ARFGEF3: variants seen among roughly 807,000 people sequenced by gnomAD.
The protein encoded by ARFGEF3 is brefeldin A-inhibited guanine nucleotide-exchange protein 3.
Under a neutral mutation model 221.7 loss-of-function variants are expected in ARFGEF3, and 96 were observed. The ratio of observed to expected loss-of-function variants is 0.43; its 90% confidence interval spans 0.37 to 0.51. ARFGEF3 has a LOEUF of 0.51. Among genes scored for constraint, ARFGEF3 ranks in the 20% least tolerant of loss-of-function variants. ARFGEF3 has a pLI of 0.00. For missense variants in ARFGEF3, 2,410 were observed against 2,789.9 expected, an observed-to-expected ratio of 0.86 and a Z score of 3.07; for synonymous variants, 1,145 against 1,126.8, an observed-to-expected ratio of 1.02 and a Z score of -0.32.
intron 2 of ARFGEF3, among the ~76,000 whole-genome samples, chr6:138,204,175 T>C (rs1016647008): frequency 1.1e-4 from 16 of 151,368 alleles, no homozygotes; most frequent in Admixed American, 2.6e-4. Flanking sequence ...CCATCTCTAC[T>C]AAAAATACAA....
rs529955732 is a variant in ARFGEF3, at chr6:138,167,586, C to T, written c.86-3076C>T. On this transcript the variant is annotated intron_variant, in intron 1 of 33. Transcript: ENST00000251691. The stretch of plus-strand genomic sequence containing the variant: ...ATCTAGAGTCATCCTTGATACATTT[C>T]TGTAATTTGCCATCTTACCTAGTCC... Among the ~76,000 whole-genome samples, 7 of 152,324 alleles carry T rather than the reference C, an allele frequency of 4.6e-5. No individual in the cohort carries two copies. In the East Asian group the frequency reaches 1.3e-3, roughly 29 times the overall value.
At chr6:138,307,192 C>T (rs938296916) in intron 22 of ARFGEF3, 61 bp from the exon 23 acceptor site, 8 of 1,561,384 alleles carry the variant, frequency 5.1e-6, no homozygotes, top group Admixed American at 5.1e-5. Context: ...ATCACCCTTC[C>T]CAGAAATTCT....
Position 138,286,872 on chromosome 6 carries a change from G to C in ARFGEF3, c.2741G>C (p.Ser914Thr), listed in dbSNP as rs1199852544. ...AAGGAGCGGGACGCCATCTGCATGA[G>C]CCTCGACGGGCTGCGGAAAGCCGCA... ...NQKERDAICM[S>T]LDGLRKAARL... is the part of the protein sequence containing the mutation. Residue 914 changes from serine (S) to threonine (T), a missense_variant, in exon 16 of 34, where the codon AGC becomes ACC. This residue lies in a region of ARFGEF3 where 594 missense variants were observed against 734.3 expected (regional missense o/e 0.81). Transcript: ENST00000251691. 1 of 1,613,516 alleles carries C rather than the reference G, an allele frequency of 6.2e-7. No homozygotes were observed. Among genetic ancestry groups the C allele is most frequent in the Non-Finnish European group, 8.5e-7 (1 of 1,179,920 alleles).
At chr6:138,200,873 G>C (rs555103214) in intron 2 of ARFGEF3, among the ~76,000 whole-genome samples, 1 of 152,176 alleles carries the variant, frequency 6.6e-6, no homozygotes, top group Non-Finnish European at 1.5e-5. Flanking sequence ...GGAATAGTCA[G>C]CAGAGTAAAC....
chr6:138,213,280 T>G (rs2114503189), intron 4 of ARFGEF3, among the ~76,000 whole-genome samples: 1 of 128,602 alleles, frequency 7.8e-6, no homozygotes, highest in African/African-American at 3.4e-5. Context: ...AGAGCGAGAC[T>G]CCATCTCAAA....
At chr6:138,320,002 T>TA in intron 28 of ARFGEF3, 123 bp downstream of exon 28, 1 of 806,546 alleles carries the variant, frequency 1.2e-6, no homozygotes, top group East Asian at 2.7e-5. Flanking sequence ...TGGGAATTAT[T>TA]AAAATAGAAC....
chr6:138,238,798 C>T (rs1778341231), intron 6 of ARFGEF3, among the ~76,000 whole-genome samples, 167 bp downstream of exon 6: 1 of 152,162 alleles, frequency 6.6e-6, no homozygotes, highest in African/African-American at 2.4e-5. Context: ...TAGATGTTTG[C>T]CTATTTCACC....
At chr6:138,278,778 C>CAT (rs930560498) in intron 13 of ARFGEF3, among the ~76,000 whole-genome samples, 161 bp downstream of exon 13, 1 of 152,064 alleles carries the variant, frequency 6.6e-6, no homozygotes, top group African/African-American at 2.4e-5. Context: ...AAGGAGATGA[C>CAT]ATATATATAA....
chr6:138,242,850 AC>A (rs1778418989), intron 6 of ARFGEF3, 101 bp from the exon 7 acceptor site: 4 of 943,246 alleles, frequency 4.2e-6, no homozygotes, highest in Non-Finnish European at 6.7e-6. Flanking sequence ...AGCCCAGGGC[AC>A]CCCGGAAGCC....
rs1472114450 is a variant in ARFGEF3, at chr6:138,234,499, T to TGTGG, written c.421-4009_421-4008insTGGG. ...CCGTGTGTGTGTGTGTGTGTGTGTG[T>TGTGG]GGTGTGTGTTTGCATCAGCAGGACC... On this transcript the variant is annotated intron_variant, in intron 5 of 33. Transcript: ENST00000251691. 3.4e-4 allele frequency among the ~76,000 whole-genome samples: 52 copies of TGTGG among 151,596 alleles called. 1 individual carries two copies. Among genetic ancestry groups the TGTGG allele is most frequent in the Non-Finnish European group, 2.9e-5 (2 of 67,902 alleles).
intron 32 of ARFGEF3, among the ~76,000 whole-genome samples, chr6:138,330,583 T>G (rs1780210948): frequency 6.6e-6 from 1 of 152,094 alleles, no homozygotes; most frequent in Admixed American, 6.6e-5. Flanking sequence ...GGCAGGAGAA[T>G]CGCTTGAACC....
chr6:138,324,959 C>T (rs1412796642), intron 31 of ARFGEF3, among the ~76,000 whole-genome samples: 1 of 152,226 alleles, frequency 6.6e-6, no homozygotes, highest in Non-Finnish European at 1.5e-5. Context: ...CATAACCATG[C>T]TGTTCACAGT....
In ARFGEF3 at chr6:138,334,725, C is replaced by A. The variant is rs770261712; in HGVS notation, c.5879C>A (p.Thr1960Asn). 1 of 1,609,258 alleles carries A rather than the reference C, an allele frequency of 6.2e-7. No individual in the cohort carries two copies. The highest frequency in any genetic ancestry group is 8.5e-7 in the Non-Finnish European group (1 of 1,176,578). The change falls in exon 33 of 34, where the codon ACC becomes AAC. Residue 1960 changes from threonine (T) to asparagine (N), a missense_variant. Thr to Asn is a moderately conservative substitution (Grantham distance 65, BLOSUM62 0). Transcript: ENST00000251691. This position sits in a 1 kb window ranked among gnomAD's most constrained non-coding sequence, Gnocchi z 5.1. ...ACCGGGGGCTTCTCTGGGAAAGAAA[C>A]CCCTTCCGAGGATGACAGAAGCCAG... ...PSTGGFSGKE[T>N]PSEDDRSQSR...
At chr6:138,282,413 A>G (rs950334255) in intron 14 of ARFGEF3, among the ~76,000 whole-genome samples, 14 of 152,238 alleles carry the variant, frequency 9.2e-5, no homozygotes, top group African/African-American at 3.4e-4. Context: ...AGACAGTCCA[A>G]CTGGGGCACA....
At chr6:138,224,958 G>A (rs1483700180) in intron 4 of ARFGEF3, among the ~76,000 whole-genome samples, 1 of 152,164 alleles carries the variant, frequency 6.6e-6, no homozygotes, top group Non-Finnish European at 1.5e-5. Flanking sequence ...TGTGGGAATG[G>A]TGGGGTATGA....
At chr6:138,330,505 T>C (rs1780206153) in intron 32 of ARFGEF3, among the ~76,000 whole-genome samples, 1 of 152,086 alleles carries the variant, frequency 6.6e-6, no homozygotes, top group African/African-American at 2.4e-5. Flanking sequence ...CTCTGGGTGA[T>C]TTGTCCAAAG....
chr6:138,235,223 CGTTTGT>C (rs1554252555), intron 5 of ARFGEF3, among the ~76,000 whole-genome samples: 8 of 152,024 alleles, frequency 5.3e-5, no homozygotes, highest in Non-Finnish European at 1.2e-4. Context: ...TATCATTAAC[CGTTTGT>C]GTTTGCTCTC....
At chr6:138,207,512 G>A (rs1777646088) in intron 3 of ARFGEF3, among the ~76,000 whole-genome samples, 1 of 152,152 alleles carries the variant, frequency 6.6e-6, no homozygotes, top group South Asian at 2.1e-4. Context: ...TGGTAAACTG[G>A]AAAGATTTTG....
At chr6:138,317,733 C>T (rs897864550) in intron 27 of ARFGEF3, among the ~76,000 whole-genome samples, 1 of 152,186 alleles carries the variant, frequency 6.6e-6, no homozygotes, top group African/African-American at 2.4e-5. Flanking sequence ...CAGGATCTCA[C>T]AGTCACATGC....
Sources: gnomAD v4.1 joint callset for allele counts (sites outside exome capture counted in the v4.1 genomes callset) on GRCh38, gnomAD v4.1.1 for gene constraint, gnomAD v4.1.1 regional missense constraint, Gnocchi (gnomAD v3.1) non-coding constraint, MANE v1.5 for transcripts, NCBI Gene and HGNC (gene_info 2026-07-23, HGNC 2026-07-21) for gene names.